The following KAZN variants were observed in gnomAD, a reference collection of about 807,000 sequenced individuals.
The protein encoded by KAZN is kazrin.
Under a neutral mutation model 87.4 loss-of-function variants are expected in KAZN, and 40 were observed. The observed-to-expected ratio is 0.46, with a 90% CI of 0.36 to 0.60. The LOEUF is 0.60. Among genes scored for constraint, KAZN ranks in the 20% least tolerant of loss-of-function variants. KAZN has a pLI of 0.00. For missense variants in KAZN, 898 were observed against 1,073.9 expected, an observed-to-expected ratio of 0.84 and a Z score of 2.29; for synonymous variants, 466 against 458.3, an observed-to-expected ratio of 1.02 and a Z score of -0.22.
intron 1 of KAZN, among the ~76,000 whole-genome samples, chr1:14,814,800 G>C (rs1390372740): frequency 6.6e-6 from 1 of 152,218 alleles, no homozygotes; most frequent in Non-Finnish European, 1.5e-5. Flanking sequence ...GAAGTTGTCA[G>C]CTTCAAATTC....
chr1:14,892,903 C>G (rs531306384), intron 1 of KAZN, among the ~76,000 whole-genome samples: 1 of 152,192 alleles, frequency 6.6e-6, no homozygotes, highest in Non-Finnish European at 1.5e-5. Context: ...GACCAGTCTC[C>G]TAAGATTATT....
At chr1:14,798,783 C>T (rs1645913842) in intron 1 of KAZN, among the ~76,000 whole-genome samples, 1 of 151,614 alleles carries the variant, frequency 6.6e-6, no homozygotes, top group Admixed American at 6.6e-5. Flanking sequence ...TTATTTGAGA[C>T]AGGGTCTGGC....
intron 2 of KAZN, among the ~76,000 whole-genome samples, chr1:14,564,186 T>C (rs936293922): frequency 2.3e-4 from 35 of 152,178 alleles, no homozygotes; most frequent in African/African-American, 7.7e-4. Context: ...TGTGATGTTC[T>C]GAACTTAGTA....
intron 1 of KAZN, among the ~76,000 whole-genome samples, chr1:14,000,999 G>T (rs10803445): frequency 0.13 from 20,125 of 150,764 alleles, 1,449 homozygotes; most frequent in Middle Eastern, 0.22. Flanking sequence ...AGCCGGGATG[G>T]TCTCGATCTC....
chr1:14,466,795 T>C (rs11589996), intron 2 of KAZN, among the ~76,000 whole-genome samples: 96,245 of 151,758 alleles, frequency 0.63, 32,014 homozygotes, highest in Non-Finnish European at 0.76. Context: ...GGTGAAACCC[T>C]GTCTCTACTA....
chr1:15,070,878 T>TC (rs1281944960), intron 8 of KAZN, among the ~76,000 whole-genome samples: 1 of 152,170 alleles, frequency 6.6e-6, no homozygotes, highest in Non-Finnish European at 1.5e-5. Context: ...CTCTGGGTTT[T>TC]CCCCAAAAAC....
chr1:14,780,808 G>A (rs1645312017), intron 1 of KAZN, among the ~76,000 whole-genome samples: 1 of 152,212 alleles, frequency 6.6e-6, no homozygotes, highest in Non-Finnish European at 1.5e-5. Context: ...CCAGTCTAGA[G>A]TGAATTGAGT....
At chr1:14,653,905 A>T (rs1481621359) in intron 1 of KAZN, among the ~76,000 whole-genome samples, 3 of 152,202 alleles carry the variant, frequency 2.0e-5, no homozygotes, top group Non-Finnish European at 4.4e-5. Flanking sequence ...TGCCCTGCAC[A>T]CTGTAGCATG....
chr1:14,716,904 G>A (rs1017726358), intron 1 of KAZN, among the ~76,000 whole-genome samples: 2 of 151,844 alleles, frequency 1.3e-5, no homozygotes, highest in African/African-American at 4.8e-5. Flanking sequence ...ACTGCCGGGG[G>A]AATGTTCCCT....
chr1:14,063,586 A>C (rs1415622769), intron 1 of KAZN, among the ~76,000 whole-genome samples: 1 of 152,126 alleles, frequency 6.6e-6, no homozygotes, highest in Non-Finnish European at 1.5e-5. Context: ...TGAAATTCCC[A>C]ATATCACACC....
intron 2 of KAZN, among the ~76,000 whole-genome samples, chr1:14,579,503 T>A (rs1006377457): frequency 6.6e-6 from 1 of 151,920 alleles, no homozygotes; most frequent in Admixed American, 6.6e-5. Context: ...CGGGCGCCTG[T>A]AGTCCCAGCT....
At chr1:14,737,569 C>A (rs142392515) in intron 1 of KAZN, among the ~76,000 whole-genome samples, 1 of 152,206 alleles carries the variant, frequency 6.6e-6, no homozygotes, top group South Asian at 2.1e-4. Flanking sequence ...AGGACAGACA[C>A]GTATTACCTC....
rs1639167906 is a variant in KAZN, at chr1:15,065,660, A to G, written c.1129A>G (p.Lys377Glu). Residue 377 changes from lysine (K) to glutamate (E), a missense_variant, in exon 8 of 15, where the codon AAA becomes GAA. Lys to Glu is a moderately conservative substitution (Grantham distance 56). Transcript: ENST00000376030. ...AGAGGATCTTGAAGACCAAAAACGG[A>G]AAAAGAAGAAAGAGAAGATGGGATT... ...SLEDLEDQKR[K>E]KKKEKMGFGS... 1 of 1,613,656 alleles carries G rather than the reference A, an allele frequency of 6.2e-7. No homozygotes were observed. The highest frequency in any genetic ancestry group is 8.5e-7 in the Non-Finnish European group (1 of 1,179,776).
intron 1 of KAZN, among the ~76,000 whole-genome samples, chr1:14,780,041 C>T (rs965327777): frequency 2.0e-5 from 3 of 152,202 alleles, no homozygotes; most frequent in African/African-American, 7.2e-5. Flanking sequence ...TCCCAACAAA[C>T]GCATGAGGTA....
At chr1:14,849,683 CT>C (rs1264742681) in intron 1 of KAZN, among the ~76,000 whole-genome samples, 1 of 152,202 alleles carries the variant, frequency 6.6e-6, no homozygotes, top group Admixed American at 6.5e-5. Context: ...CATTTAAGAG[CT>C]TGCGCTTTCT....
intron 2 of KAZN, among the ~76,000 whole-genome samples, chr1:14,440,261 C>T (rs772295160): frequency 2.8e-4 from 43 of 152,252 alleles, no homozygotes; most frequent in South Asian, 1.0e-3. Context: ...TTCTAGGTGA[C>T]GGAGACTGCC....
At chr1:15,037,259 A>T (rs1369094106) in intron 3 of KAZN, among the ~76,000 whole-genome samples, 2 of 152,232 alleles carry the variant, frequency 1.3e-5, no homozygotes, top group African/African-American at 4.8e-5. Context: ...GTGGGGCCAG[A>T]GAACCAGCCC....
upstream of KAZN, among the ~76,000 whole-genome samples, chr1:14,597,732 C>T (rs895958152): frequency 2.0e-5 from 3 of 152,084 alleles, no homozygotes; most frequent in Non-Finnish European, 4.4e-5. Flanking sequence ...CCCTGTTGAC[C>T]AGAGGGTTGC....
chr1:14,697,998 C>T (rs1572251920), intron 1 of KAZN, among the ~76,000 whole-genome samples: 1 of 152,204 alleles, frequency 6.6e-6, no homozygotes, highest in Admixed American at 6.5e-5. Flanking sequence ...AAAACTGAGT[C>T]TCCCTTCTCG....
Sources: allele counts gnomAD v4.1 joint callset (sites outside exome capture counted in the v4.1 genomes callset), GRCh38; gene constraint gnomAD v4.1.1; transcripts MANE v1.5; gene names NCBI Gene and HGNC (gene_info 2026-07-23, HGNC 2026-07-21).